CTNND2: variants seen among roughly 807,000 people sequenced by gnomAD.
CTNND2 encodes the protein catenin delta-2.
CTNND2 carries 22 observed loss-of-function variants against 144.4 expected under a neutral mutation model. The ratio of observed to expected loss-of-function variants is 0.15; its 90% CI spans 0.11 to 0.22. The LOEUF is 0.22. Among genes scored for constraint, CTNND2 ranks in the 10% least tolerant of loss-of-function variants. CTNND2 has a pLI of 1.00. For missense variants in CTNND2, 1,353 were observed against 1,618.8 expected, an observed-to-expected ratio of 0.84 and a Z score of 2.82; for synonymous variants, 751 against 695.6, an observed-to-expected ratio of 1.08 and a Z score of -1.25.
At position 11,346,535 on chromosome 5, in the gene CTNND2, C is replaced by T. The variant is rs752820923; in HGVS notation, c.1465G>A (p.Ala489Thr). The change falls in exon 9 of 22, where the codon GCC becomes ACC. Residue 489 changes from alanine to threonine, a missense_variant. Around this residue, in one of 4 missense-constraint regions of CTNND2, gnomAD observed 708 missense variants for 706.4 expected, o/e 1.00. Coordinates refer to ENST00000304623, the MANE Select transcript of CTNND2 (RefSeq NM_001332.4). ...QNAAAATFQR[A>T]SYAAGPASNY... ...GAGGCTGGGCCGGCGGCATAGCTGGCCCTCTGGAAGGTGGCCGCGGCGGCA... is the reference window on the plus strand; with the variant it reads ...GAGGCTGGGCCGGCGGCATAGCTGGTCCTCTGGAAGGTGGCCGCGGCGGCA... The T allele has an allele frequency of 1.1e-5, 18 of 1,604,284 alleles. No homozygotes were observed. Among genetic ancestry groups the T allele is most frequent in the Admixed American group, 3.4e-5 (2 of 58,412 alleles).
chr5:11,557,844 G>A (rs1581491738), intron 3 of CTNND2, among the ~76,000 whole-genome samples: 1 of 152,234 alleles, frequency 6.6e-6, no homozygotes, highest in Non-Finnish European at 1.5e-5. Flanking sequence ...ATAATCCTTG[G>A]AACCATGCTG....
chr5:11,695,605 C>T (rs970279831), intron 2 of CTNND2, among the ~76,000 whole-genome samples: 8 of 152,028 alleles, frequency 5.3e-5, no homozygotes, highest in Non-Finnish European at 7.4e-5. Context: ...ATTTTTATTC[C>T]GTAACAATGT....
chr5:11,887,132 T>C (rs528942768), intron 1 of CTNND2, among the ~76,000 whole-genome samples: 30 of 151,330 alleles, frequency 2.0e-4, no homozygotes, highest in East Asian at 5.8e-4. Context: ...TACAGGCGCA[T>C]ACCGCCACGC....
chr5:10,996,516 G>A (rs1739366389), intron 18 of CTNND2, among the ~76,000 whole-genome samples: 1 of 152,238 alleles, frequency 6.6e-6, no homozygotes, highest in Non-Finnish European at 1.5e-5. Flanking sequence ...TCGAGGAGGG[G>A]GCTCGGGGGG....
intron 8 of CTNND2, among the ~76,000 whole-genome samples, chr5:11,362,447 G>A (rs1388519757): frequency 1.3e-5 from 2 of 152,160 alleles, no homozygotes; most frequent in South Asian, 2.1e-4. Context: ...ATAGACACAG[G>A]GGTAACCTTG....
intron 3 of CTNND2, among the ~76,000 whole-genome samples, chr5:11,474,700 A>G (rs536537438): frequency 2.2e-4 from 33 of 152,312 alleles, no homozygotes; most frequent in African/African-American, 7.9e-4. Flanking sequence ...TTTTTCGCTT[A>G]TGAAATACTT....
chr5:11,385,373 C>G (rs1189069108), intron 6 of CTNND2, 144 bp from the exon 7 acceptor site: 1 of 412,670 alleles, frequency 2.4e-6, no homozygotes, highest in African/African-American at 2.2e-5. Context: ...GCGCTCGGGG[C>G]AGTACGCGAA....
At chr5:11,897,822 T>C (rs1342169921) in intron 1 of CTNND2, among the ~76,000 whole-genome samples, 1 of 152,244 alleles carries the variant, frequency 6.6e-6, no homozygotes, top group African/African-American at 2.4e-5. Context: ...TCCAGAATTC[T>C]ATCAACTAGA....
intron 3 of CTNND2, among the ~76,000 whole-genome samples, chr5:11,562,606 T>C (rs1009846883): frequency 6.6e-6 from 1 of 152,246 alleles, no homozygotes; most frequent in Non-Finnish European, 1.5e-5. Flanking sequence ...GGCAGTGTCA[T>C]CTTCACTCAA....
chr5:11,624,692 A>G (rs943875537), intron 2 of CTNND2, among the ~76,000 whole-genome samples: 2 of 152,088 alleles, frequency 1.3e-5, no homozygotes, highest in Admixed American at 1.3e-4. Context: ...ATTTTGTTTT[A>G]TAAGAGGTTA....
Position 11,736,209 on chromosome 5 carries a change from A to G in CTNND2, c.38-3937T>C, listed in dbSNP as rs145990572. On this transcript the variant is annotated intron_variant, in intron 1 of 21. Coordinates refer to ENST00000304623, the MANE Select transcript of CTNND2 (RefSeq NM_001332.4). ...TTATAAAATGTAACTCTTTAAAAGC[A>G]TAACAGTGACCTGTCATAAAAAAAT... Among the ~76,000 whole-genome samples, 424 of 152,330 alleles carry G rather than the reference A, an allele frequency of 2.8e-3. 1 individual carries two copies. The highest frequency in any genetic ancestry group is 9.5e-3 in the African/African-American group (397 of 41,574).
At chr5:11,238,753 TAC>T (rs925845801) in intron 9 of CTNND2, among the ~76,000 whole-genome samples, 5 of 151,702 alleles carry the variant, frequency 3.3e-5, no homozygotes, top group South Asian at 2.1e-4. Flanking sequence ...ACTATATATA[TAC>T]ACACACACAC....
intron 12 of CTNND2, among the ~76,000 whole-genome samples, chr5:11,127,696 A>G (rs1440681275): frequency 6.6e-6 from 1 of 152,128 alleles, no homozygotes; most frequent in Non-Finnish European, 1.5e-5. Context: ...CCATCACTGC[A>G]TGTTGGGAGC....
intron 1 of CTNND2, among the ~76,000 whole-genome samples, chr5:11,762,680 G>A (rs1226048053): frequency 6.6e-6 from 1 of 152,208 alleles, no homozygotes; most frequent in East Asian, 1.9e-4. Context: ...AGGCCTTCAC[G>A]AATAATAAGT....
intron 12 of CTNND2, among the ~76,000 whole-genome samples, chr5:11,128,339 A>G (rs1482828504): frequency 6.6e-6 from 1 of 152,098 alleles, no homozygotes; most frequent in Non-Finnish European, 1.5e-5. Context: ...CATAAGGAAC[A>G]AGGTTCTGCT....
chr5:11,350,337 A>T (rs1755198035), intron 8 of CTNND2, among the ~76,000 whole-genome samples: 1 of 151,950 alleles, frequency 6.6e-6, no homozygotes, highest in Non-Finnish European at 1.5e-5. Flanking sequence ...AATAAACCTA[A>T]CTTTGTTCAT....
chr5:11,469,770 C>T (rs186312645), intron 3 of CTNND2, among the ~76,000 whole-genome samples: 2 of 152,222 alleles, frequency 1.3e-5, no homozygotes, highest in East Asian at 3.9e-4. Flanking sequence ...TTTTCCAATG[C>T]TCCATTTTCA....
chr5:11,470,072 C>T (rs1477091794), intron 3 of CTNND2, among the ~76,000 whole-genome samples: 1 of 152,182 alleles, frequency 6.6e-6, no homozygotes, highest in Non-Finnish European at 1.5e-5. Context: ...TGCTATCCAA[C>T]TCCACTCTCG....
intron 1 of CTNND2, among the ~76,000 whole-genome samples, chr5:11,882,605 C>T (rs893337916): frequency 1.3e-5 from 2 of 152,000 alleles, no homozygotes; most frequent in African/African-American, 2.4e-5. Context: ...TGTCAAAAAT[C>T]GGTTAACCAG....
Sources: allele counts gnomAD v4.1 joint callset (sites outside exome capture counted in the v4.1 genomes callset), GRCh38; gene constraint gnomAD v4.1.1; regional missense constraint gnomAD v4.1.1; transcripts MANE v1.5; gene names NCBI Gene and HGNC (gene_info 2026-07-23, HGNC 2026-07-21).